Variants in WDFY2 observed in about 807,000 individuals in gnomAD.
The protein encoded by WDFY2 is WD repeat and FYVE domain-containing protein 2.
Under a neutral mutation model 56.4 loss-of-function variants are expected in WDFY2, and 36 were observed. That is an observed-to-expected ratio of 0.64 (90% CI 0.49 to 0.84). WDFY2 has a LOEUF of 0.84. Among genes scored for constraint, WDFY2 ranks in the 40% least tolerant of loss-of-function variants. WDFY2 has a pLI of 0.00. For synonymous variants in WDFY2, 176 were observed against 183.7 expected, an observed-to-expected ratio of 0.96 and a Z score of 0.34; for missense variants, 444 against 512.2, an observed-to-expected ratio of 0.87 and a Z score of 1.29.
chr13:51,604,938 T>C (rs1954356429), intron 1 of WDFY2, among the ~76,000 whole-genome samples: 1 of 152,216 alleles, frequency 6.6e-6, no homozygotes, highest in Admixed American at 6.5e-5. Context: ...GGTCAGATGG[T>C]TCCTGCTTTA....
At chr13:51,732,046 C>T (rs567505056) in intron 6 of WDFY2, among the ~76,000 whole-genome samples, 64 of 152,240 alleles carry the variant, frequency 4.2e-4, no homozygotes, top group African/African-American at 1.5e-3. Flanking sequence ...AGCTAAATGC[C>T]GGATATCATA....
chr13:51,641,257 G>A (rs868315745), intron 1 of WDFY2, among the ~76,000 whole-genome samples: 1 of 151,818 alleles, frequency 6.6e-6, no homozygotes, highest in Non-Finnish European at 1.5e-5. Flanking sequence ...TTTTAGTAGA[G>A]ACGGAATTTC....
intron 2 of WDFY2, among the ~76,000 whole-genome samples, chr13:51,671,310 G>A (rs1449555930): frequency 6.6e-6 from 1 of 152,166 alleles, no homozygotes; most frequent in East Asian, 1.9e-4. Flanking sequence ...CATAGTGGTT[G>A]TACTAGTTTG....
At chr13:51,727,630 A>T (rs1450406298) in intron 5 of WDFY2, 48 bp from the exon 6 acceptor site, 7 of 1,561,048 alleles carry the variant, frequency 4.5e-6, no homozygotes, top group South Asian at 3.4e-5. Context: ...TTCATTGTAA[A>T]TTCCCTCATT....
chr13:51,668,378 T>G (rs566322490), intron 2 of WDFY2, among the ~76,000 whole-genome samples: 4 of 152,320 alleles, frequency 2.6e-5, no homozygotes, highest in South Asian at 4.1e-4. Flanking sequence ...CACTTCTAAT[T>G]TGCTTTGCTG....
intron 1 of WDFY2, among the ~76,000 whole-genome samples, chr13:51,609,595 A>AC (rs1359441819): frequency 1.2e-4 from 12 of 100,602 alleles, no homozygotes; most frequent in Non-Finnish European, 1.4e-4. Flanking sequence ...AACAATAAAA[A>AC]CCCCAACCCC....
At position 51,621,396 on chromosome 13, in the gene WDFY2, T is replaced by G. The variant is rs527910978; in HGVS notation, c.137+36572T>G. Among the ~76,000 whole-genome samples, 5 of 152,176 alleles carry G rather than the reference T, an allele frequency of 3.3e-5. No homozygotes were observed. In the East Asian group the frequency reaches 9.7e-4, roughly 29 times the overall value. On this transcript the variant is annotated intron_variant, in intron 1 of 11. Coordinates refer to ENST00000298125, the MANE Select transcript of WDFY2 (RefSeq NM_052950.4). ...GGTGGGCACCTGTAATTCCAGCTACTTGGGAGGCTGAGGCAGGAGAATCGC... is the reference window on the plus strand; with the variant it reads ...GGTGGGCACCTGTAATTCCAGCTACGTGGGAGGCTGAGGCAGGAGAATCGC...
At chr13:51,650,008 C>T (rs1173785315) in intron 1 of WDFY2, among the ~76,000 whole-genome samples, 1 of 151,936 alleles carries the variant, frequency 6.6e-6, no homozygotes, top group Non-Finnish European at 1.5e-5. Context: ...TTACCTTGGG[C>T]AGTGTGGCCA....
intron 2 of WDFY2, among the ~76,000 whole-genome samples, chr13:51,663,630 T>C (rs1177116377): frequency 2.6e-5 from 4 of 152,186 alleles, no homozygotes; most frequent in Non-Finnish European, 5.9e-5. Context: ...CAGAATCTTA[T>C]TGCATGAGGA....
chr13:51,626,239 T>G (rs1255688918), intron 1 of WDFY2, among the ~76,000 whole-genome samples: 3 of 152,238 alleles, frequency 2.0e-5, no homozygotes, highest in Non-Finnish European at 4.4e-5. Context: ...AGGCAGCATT[T>G]GTACAATAGA....
intron 1 of WDFY2, among the ~76,000 whole-genome samples, chr13:51,596,438 C>T (rs756140023): frequency 3.7e-4 from 56 of 152,180 alleles, no homozygotes; most frequent in African/African-American, 1.1e-3. Context: ...TCTTTGAGTT[C>T]GATGTGGATA....
chr13:51,615,232 A>G lies in WDFY2; in HGVS notation c.137+30408A>G, dbSNP rs61104202. Among the ~76,000 whole-genome samples the G allele has an allele frequency of 7.3e-3, 1,105 of 152,290 alleles. 13 individuals are homozygous for G. Among genetic ancestry groups the G allele is most frequent in the African/African-American group, 0.025 (1,059 of 41,556 alleles). ...TCATAATAGATTAAAAGCCTCAAAT[A>G]ATATAAAAAAGCTAACCCTATTAAA... On this transcript the variant is annotated intron_variant, in intron 1 of 11. Coordinates refer to ENST00000298125, the MANE Select transcript of WDFY2 (RefSeq NM_052950.4).
chr13:51,621,795 G>A (rs1954732259), intron 1 of WDFY2, among the ~76,000 whole-genome samples: 1 of 152,126 alleles, frequency 6.6e-6, no homozygotes, highest in Admixed American at 6.5e-5. Context: ...TGGTTCTGGA[G>A]CAGCCATGTG....
intron 1 of WDFY2, among the ~76,000 whole-genome samples, chr13:51,645,520 C>T (rs1938798624): frequency 6.6e-6 from 1 of 152,038 alleles, no homozygotes; most frequent in South Asian, 2.1e-4. Context: ...CTGTTTGTTG[C>T]CACCCCCAGC....
At chr13:51,739,508 T>G (rs1475495964) in intron 7 of WDFY2, among the ~76,000 whole-genome samples, 2 of 152,116 alleles carry the variant, frequency 1.3e-5, no homozygotes, top group African/African-American at 4.8e-5. Context: ...ATACAAGCTG[T>G]GAAGGCTTAC....
intron 4 of WDFY2, among the ~76,000 whole-genome samples, chr13:51,715,309 A>G (rs983875576): frequency 6.6e-6 from 1 of 152,204 alleles, no homozygotes; most frequent in Non-Finnish European, 1.5e-5. Flanking sequence ...CAACTGTACA[A>G]AATATTTTTT....
intron 6 of WDFY2, among the ~76,000 whole-genome samples, chr13:51,729,743 C>A (rs185699819): frequency 1.3e-5 from 2 of 152,316 alleles, no homozygotes; most frequent in East Asian, 3.9e-4. Context: ...CAAAGCAACA[C>A]CCTCTCAATC....
chr13:51,692,411 T>A (rs1951760089), intron 3 of WDFY2, among the ~76,000 whole-genome samples: 1 of 152,210 alleles, frequency 6.6e-6, no homozygotes, highest in Non-Finnish European at 1.5e-5. Flanking sequence ...GAAGGGCTGT[T>A]GAATTTTGTC....
chr13:51,627,278 T>A (rs1269818429), intron 1 of WDFY2, among the ~76,000 whole-genome samples: 1 of 152,122 alleles, frequency 6.6e-6, no homozygotes, highest in Non-Finnish European at 1.5e-5. Flanking sequence ...ACTGTCAGTG[T>A]GGTGAGCGGG....
Sources: allele counts gnomAD v4.1 joint callset (sites outside exome capture counted in the v4.1 genomes callset), GRCh38; gene constraint gnomAD v4.1.1; transcripts MANE v1.5; gene names NCBI Gene and HGNC (gene_info 2026-07-23, HGNC 2026-07-21).